The following DAB1 variants were observed in gnomAD, a reference collection of about 807,000 sequenced individuals.
DAB1 encodes the protein disabled homolog 1.
A neutral mutation model predicts 64.6 loss-of-function variants in DAB1; 15 were observed. The observed-to-expected ratio is 0.23, with a 90% confidence interval of 0.16 to 0.36. The LOEUF is 0.36. Among genes scored for constraint, DAB1 ranks in the 10% least tolerant of loss-of-function variants. The probability of loss-of-function intolerance (pLI) is 1.00; values close to 1 mark genes in which losing one functional copy is unlikely to be tolerated. For synonymous variants in DAB1, 235 were observed against 251.9 expected (o/e 0.93, Z 0.64); for missense variants, 596 against 706.7 (o/e 0.84, Z 1.78).
rs188668499 is a variant in DAB1, at chr1:57,388,813, C to A, written c.-137+35117G>T. On this transcript the variant is annotated intron_variant, in intron 1 of 14. Transcript: ENST00000371236. The stretch of plus-strand genomic sequence containing the variant: ...ACTTTATCACTCTCCTACTCCATGA[C>A]CCTAAATCTCTCTTCTTCACAGAAT... Among the ~76,000 whole-genome samples the A allele has an allele frequency of 1.3e-4, 19 of 151,560 alleles. 1 individual carries two copies. The East Asian group carries it at 3.7e-3, about 29-fold the overall frequency.
At chr1:57,040,905 A>T (rs1422944873) in intron 9 of DAB1, among the ~76,000 whole-genome samples, 2 of 152,176 alleles carry the variant, frequency 1.3e-5, no homozygotes, top group Non-Finnish European at 2.9e-5. Flanking sequence ...ACTTTTGGGG[A>T]GGAGGGCAGG....
At chr1:58,337,451 G>C (rs1210397332) in intron 4 of DAB1, among the ~76,000 whole-genome samples, 1 of 152,128 alleles carries the variant, frequency 6.6e-6, no homozygotes, top group Non-Finnish European at 1.5e-5. Context: ...CAGTGCTAAA[G>C]TCATTCTTTA....
intron 9 of DAB1, among the ~76,000 whole-genome samples, chr1:57,054,635 G>T (rs567982468): frequency 3.3e-4 from 50 of 151,776 alleles, no homozygotes; most frequent in Non-Finnish European, 6.2e-4. Flanking sequence ...CCGCCACCAC[G>T]CCCGGCTAAT....
intron 3 of DAB1, among the ~76,000 whole-genome samples, chr1:58,501,751 G>GTGT (rs1645909872): frequency 6.6e-6 from 1 of 152,094 alleles, no homozygotes; most frequent in South Asian, 2.1e-4. Flanking sequence ...AAGGACTCAT[G>GTGT]TGTTCCTCTA....
At chr1:58,143,503 C>T (rs183058375) in intron 5 of DAB1, among the ~76,000 whole-genome samples, 30 of 152,218 alleles carry the variant, frequency 2.0e-4, no homozygotes, top group African/African-American at 5.3e-4. Context: ...TTATTAAGAA[C>T]GGTGTGGTTG....
At chr1:57,653,689 T>C (rs1335814900) in intron 6 of DAB1, among the ~76,000 whole-genome samples, 1 of 152,184 alleles carries the variant, frequency 6.6e-6, no homozygotes, top group African/African-American at 2.4e-5. Context: ...CTCTGCTCAC[T>C]GCAACCTCTG....
chr1:57,123,263 A>C (rs1433016858), intron 4 of DAB1, among the ~76,000 whole-genome samples: 2 of 152,068 alleles, frequency 1.3e-5, no homozygotes, highest in African/African-American at 2.4e-5. Flanking sequence ...GAGAAATCCA[A>C]CTTCAGTCAA....
intron 1 of DAB1, among the ~76,000 whole-genome samples, chr1:57,408,432 TAA>T (rs1251098273): frequency 2.0e-5 from 3 of 152,130 alleles, no homozygotes; most frequent in African/African-American, 7.2e-5. Context: ...CGGGGATCAA[TAA>T]AGATTCTCAG....
At chr1:57,665,759 C>T (rs1266689280) in intron 6 of DAB1, among the ~76,000 whole-genome samples, 1 of 151,292 alleles carries the variant, frequency 6.6e-6, no homozygotes, top group Admixed American at 6.6e-5. Flanking sequence ...CACACCCACA[C>T]ATATACATAC....
intron 4 of DAB1, among the ~76,000 whole-genome samples, chr1:57,084,538 T>A (rs1652864963): frequency 6.6e-6 from 1 of 152,212 alleles, no homozygotes; most frequent in African/African-American, 2.4e-5. Context: ...CAGGTCCTTT[T>A]GTTTAAGGAG....
intron 9 of DAB1, among the ~76,000 whole-genome samples, chr1:57,047,571 C>T (rs1273408833): frequency 6.6e-6 from 1 of 152,198 alleles, no homozygotes; most frequent in Non-Finnish European, 1.5e-5. Flanking sequence ...TGGTGGTCTA[C>T]AACCCCAGGA....
chr1:57,622,464 T>C (rs1328878779), intron 7 of DAB1, among the ~76,000 whole-genome samples: 1 of 152,212 alleles, frequency 6.6e-6, no homozygotes, highest in Non-Finnish European at 1.5e-5. Flanking sequence ...ATACATAAAG[T>C]GCAGAAATAA....
At chr1:57,783,313 T>A (rs1349776575) in intron 6 of DAB1, among the ~76,000 whole-genome samples, 1 of 152,030 alleles carries the variant, frequency 6.6e-6, no homozygotes, top group Non-Finnish European at 1.5e-5. Flanking sequence ...TTCACCATCT[T>A]GCCCAGGCAA....
intron 5 of DAB1, among the ~76,000 whole-genome samples, chr1:58,021,018 C>T (rs1557612893): frequency 6.6e-6 from 1 of 152,100 alleles, no homozygotes. Context: ...GCCCCGCACC[C>T]AAAAAGAAAA....
At chr1:58,308,162 T>C (rs1458528858) in intron 4 of DAB1, among the ~76,000 whole-genome samples, 1 of 152,060 alleles carries the variant, frequency 6.6e-6, no homozygotes, top group Non-Finnish European at 1.5e-5. Flanking sequence ...CTGCCACATA[T>C]AGTTGTGCAG....
At chr1:58,234,743 T>C (rs1486277073) in intron 4 of DAB1, among the ~76,000 whole-genome samples, 1 of 152,184 alleles carries the variant, frequency 6.6e-6, no homozygotes, top group Admixed American at 6.5e-5. Context: ...AGGATCAGAC[T>C]TCCTGGGCCA....
At chr1:57,519,651 T>C (rs11805586) in intron 7 of DAB1, among the ~76,000 whole-genome samples, 10,638 of 152,122 alleles carry the variant, frequency 0.07, 1,163 homozygotes, top group African/African-American at 0.23. Context: ...AAGAATAGAT[T>C]CCTGTGCTGA....
intron 3 of DAB1, among the ~76,000 whole-genome samples, chr1:58,395,796 T>C (rs770752268): frequency 1.2e-4 from 18 of 152,272 alleles, no homozygotes; most frequent in Admixed American, 3.9e-4. Context: ...AAGCATCTCC[T>C]TGGAGCTTGG....
At chr1:58,296,056 G>A (rs2100455172) in intron 4 of DAB1, among the ~76,000 whole-genome samples, 1 of 135,162 alleles carries the variant, frequency 7.4e-6, no homozygotes, top group African/African-American at 2.9e-5. Context: ...TCATGCCACT[G>A]CAACTCCAGC....
Sources: allele counts gnomAD v4.1 joint callset (sites outside exome capture counted in the v4.1 genomes callset), GRCh38; gene constraint gnomAD v4.1.1; transcripts MANE v1.5; gene names NCBI Gene and HGNC (gene_info 2026-07-23, HGNC 2026-07-21).